LRRK1: variants seen among roughly 807,000 people sequenced by gnomAD.
LRRK1 encodes leucine rich repeat kinase 1, also known as leucine-rich repeat serine/threonine-protein kinase 1.
Under a neutral mutation model 209.1 loss-of-function variants are expected in LRRK1, and 113 were observed. That is an observed-to-expected ratio of 0.54 (90% CI 0.46 to 0.63). The LOEUF (loss-of-function observed/expected upper bound fraction) is 0.63. Among genes scored for constraint, LRRK1 ranks in the 30% least tolerant of loss-of-function variants. The pLI, the probability that LRRK1 is intolerant of heterozygous loss-of-function variation, is 0.00. For missense variants in LRRK1, 2,284 were observed against 2,632.2 expected, an observed-to-expected ratio of 0.87 and a Z score of 2.89; for synonymous variants, 1,144 against 1,099.7, an observed-to-expected ratio of 1.04 and a Z score of -0.80.
intron 2 of LRRK1, among the ~76,000 whole-genome samples, chr15:100,969,988 A>G (rs1194797074): frequency 6.6e-6 from 1 of 151,778 alleles, no homozygotes; most frequent in African/African-American, 2.4e-5. Flanking sequence ...TCCCAGGTTC[A>G]AGCGATTCTC....
intron 6 of LRRK1, among the ~76,000 whole-genome samples, chr15:100,994,490 A>T (rs1245814766): frequency 6.6e-6 from 1 of 152,244 alleles, no homozygotes; most frequent in East Asian, 1.9e-4. Flanking sequence ...GGGTAAAAGC[A>T]GAAACAGCTG....
rs571821861 is a variant in LRRK1 at position 100,982,117 on chromosome 15, G to C, written c.262-1411G>C. On this transcript the variant is annotated intron_variant, in intron 3 of 33. Coordinates refer to ENST00000388948, the MANE Select transcript of LRRK1 (RefSeq NM_024652.6). Reference sequence around the variant, plus strand: ...CACTCTCACACACAGTAGATCCTCAGTAGGTGTTGATGGGGGGCACTCGCC... The same window carrying C: ...CACTCTCACACACAGTAGATCCTCACTAGGTGTTGATGGGGGGCACTCGCC... Among the ~76,000 whole-genome samples the C allele has an allele frequency of 3.3e-5, 5 of 151,780 alleles. No individual in the cohort carries two copies. In the East Asian group the frequency reaches 9.7e-4, roughly 29 times the overall value.
In LRRK1 at chr15:101,027,526, G is replaced by A; in HGVS notation, c.2527-112G>A. 6.7e-7 allele frequency: 1 copy of A among 1,501,676 alleles called. No individual in the cohort carries two copies. Among genetic ancestry groups the A allele is most frequent in the South Asian group, 1.3e-5 (1 of 77,816 alleles). The allele number at this position is 1,501,676 out of a possible 1,614,324, so 93.0% of individuals were successfully genotyped here. On this transcript the variant is annotated intron_variant, in intron 18 of 33. Coordinates refer to ENST00000388948, the MANE Select transcript of LRRK1 (RefSeq NM_024652.6). This position sits in a 1 kb window ranked among gnomAD's most constrained non-coding sequence, Gnocchi z 5.1. ...TGAGGGAGGGTCAGGATGGAAGATA[G>A]TGGGTGGAAACGTCCCACCCCCTCA...
intron 2 of LRRK1, among the ~76,000 whole-genome samples, chr15:100,948,840 C>T (rs1231558689): frequency 1.3e-5 from 2 of 152,050 alleles, no homozygotes; most frequent in Non-Finnish European, 2.9e-5. Context: ...AACAAAAACA[C>T]ATCACGCTAA....
rs2032348313 is a variant in LRRK1, at chr15:100,995,209, C to T, written c.762+5811C>T. ...TTTTGTGTGGTTGAGCTCTGCCTGACACACCAGCTGGTCAGTATTTTTTAA... is the reference window on the plus strand; with the variant it reads ...TTTTGTGTGGTTGAGCTCTGCCTGATACACCAGCTGGTCAGTATTTTTTAA... On this transcript the variant is annotated intron_variant, in intron 6 of 33. Transcript: ENST00000388948. Among the ~76,000 whole-genome samples the T allele has an allele frequency of 1.3e-5, 2 of 152,162 alleles. 1 individual carries two copies. Among genetic ancestry groups the T allele is most frequent in the South Asian group, 4.1e-4 (2 of 4,832 alleles).
At chr15:100,976,959 A>G (rs548875505) in intron 3 of LRRK1, among the ~76,000 whole-genome samples, 2 of 152,282 alleles carry the variant, frequency 1.3e-5, no homozygotes, top group South Asian at 4.1e-4. Flanking sequence ...GGGAATATGG[A>G]GGTTGTTTAC....
intron 29 of LRRK1, 32 bp downstream of exon 29, chr15:101,058,173 G>GTATT (rs2035923838): frequency 1.2e-6 from 2 of 1,607,734 alleles, no homozygotes; most frequent in Non-Finnish European, 1.7e-6. Context: ...TGCCCCCTTT[G>GTATT]TATTTGGGGT....
rs2033935309 is a variant in LRRK1, at chr15:101,024,547, G to A, written c.2068-256G>A. 6.6e-6 allele frequency among the ~76,000 whole-genome samples: 1 copy of A among 152,210 alleles called. No individual in the cohort carries two copies. Among genetic ancestry groups the A allele is most frequent in the Non-Finnish European group, 1.5e-5 (1 of 68,030 alleles). On this transcript the variant is annotated intron_variant, in intron 15 of 33. Coordinates refer to ENST00000388948, the MANE Select transcript of LRRK1 (RefSeq NM_024652.6). The surrounding 1 kb of genome is among the most constrained non-coding windows in gnomAD (Gnocchi z 4.6). The stretch of plus-strand genomic sequence containing the variant: ...CAGCCCAGACAGAGCCAGGCCCTCT[G>A]AAGTCTGTCCAGGGCCTGGTCTCTG...
chr15:101,015,424 G>C, intron 12 of LRRK1, 22 bp downstream of exon 12: 1 of 1,594,174 alleles, frequency 6.3e-7, no homozygotes, highest in Non-Finnish European at 8.6e-7. Context: ...TTGGGAGACG[G>C]TGTTCCCAGA....
chr15:101,017,826 G>C (rs1481318439), intron 12 of LRRK1, among the ~76,000 whole-genome samples: 4 of 152,078 alleles, frequency 2.6e-5, no homozygotes, highest in African/African-American at 9.7e-5. Flanking sequence ...AAGGATGCTT[G>C]CGTGCGTTAA....
chr15:100,986,800 G>T (rs1424671068), intron 4 of LRRK1, among the ~76,000 whole-genome samples: 1 of 152,166 alleles, frequency 6.6e-6, no homozygotes, highest in Non-Finnish European at 1.5e-5. Context: ...TACACTCCTT[G>T]CCCTCTGCCT....
At chr15:101,012,251 A>T (rs777108948) in intron 10 of LRRK1, 106 bp downstream of exon 10, 2 of 1,049,248 alleles carry the variant, frequency 1.9e-6, no homozygotes, top group Admixed American at 2.4e-5. Context: ...GATAAATATA[A>T]GGGGAAAAGA....
chr15:100,973,984 C>A lies in LRRK1; in HGVS notation c.261+17C>A. The A allele has an allele frequency of 4.0e-6, 5 of 1,245,880 alleles. No individual in the cohort carries two copies. In the South Asian group the frequency reaches 1.1e-4, roughly 29 times the overall value. 77.2% of individuals were successfully genotyped at this position (1,245,880 alleles called of 1,614,324 possible). ...CTGGAAAAGGTAGGGGAGCGCCTGC[C>A]CCTGCGGCCACCCATGCAGCCCCGG... On this transcript the variant is annotated intron_variant, in intron 3 of 33. Coordinates refer to ENST00000388948, the MANE Select transcript of LRRK1 (RefSeq NM_024652.6).
intron 2 of LRRK1, among the ~76,000 whole-genome samples, chr15:100,931,033 A>T (rs968689370): frequency 2.0e-5 from 3 of 152,256 alleles, no homozygotes; most frequent in African/African-American, 7.2e-5. Flanking sequence ...TCCAGATTCC[A>T]CTTAGCCATC....
At chr15:100,956,889 C>A (rs568483885) in intron 2 of LRRK1, among the ~76,000 whole-genome samples, 50 of 152,282 alleles carry the variant, frequency 3.3e-4, no homozygotes, top group Admixed American at 1.8e-3. Context: ...GTTAGTTTGT[C>A]TAATTAAGAT....
intron 20 of LRRK1, among the ~76,000 whole-genome samples, chr15:101,032,111 C>G (rs893262168): frequency 6.6e-6 from 1 of 152,176 alleles, no homozygotes; most frequent in Non-Finnish European, 1.5e-5. Flanking sequence ...TTGACTGTGG[C>G]TTTACTTTAC....
At chr15:100,962,205 A>T (rs2141636396) in intron 2 of LRRK1, among the ~76,000 whole-genome samples, 1 of 152,302 alleles carries the variant, frequency 6.6e-6, no homozygotes, top group East Asian at 1.9e-4. Context: ...TGCAAAAAAT[A>T]TATTGAAAAA....
Position 101,074,160 on chromosome 15 carries a change from T to C in LRRK1, c.*5312T>C, listed in dbSNP as rs1441691652. On this transcript the variant is annotated 3_prime_UTR_variant, in exon 34 of 34. Coordinates refer to ENST00000388948, the MANE Select transcript of LRRK1 (RefSeq NM_024652.6). ...CCTCAGTCCCAACCCCAAGCATCGCTGAGTCTTTCTAATCTTTTCTATAGA... is the reference window on the plus strand; with the variant it reads ...CCTCAGTCCCAACCCCAAGCATCGCCGAGTCTTTCTAATCTTTTCTATAGA... 6.6e-6 allele frequency: 1 copy of C among 152,188 alleles called. No individual in the cohort carries two copies. Among genetic ancestry groups the C allele is most frequent in the African/African-American group, 2.4e-5 (1 of 41,434 alleles). 9.4% of individuals were successfully genotyped at this position (152,188 alleles called of 1,614,324 possible).
At chr15:101,002,611 C>T (rs2032749032) in intron 6 of LRRK1, among the ~76,000 whole-genome samples, 1 of 152,208 alleles carries the variant, frequency 6.6e-6, no homozygotes, top group Admixed American at 6.5e-5. Context: ...TGGCTTTGCT[C>T]TCTCGGAATC....
Sources: allele counts gnomAD v4.1 joint callset (sites outside exome capture counted in the v4.1 genomes callset), GRCh38; gene constraint gnomAD v4.1.1; non-coding constraint Gnocchi (gnomAD v3.1); transcripts MANE v1.5; gene names NCBI Gene and HGNC (gene_info 2026-07-23, HGNC 2026-07-21).